Variants in NR3C1 observed in about 807,000 individuals in gnomAD.
NR3C1 encodes the protein glucocorticoid receptor.
NR3C1 carries 14 observed loss-of-function variants against 74.0 expected under a neutral mutation model. The observed-to-expected ratio is 0.19, with a 90% CI of 0.12 to 0.30. NR3C1 has a LOEUF of 0.30. Among genes scored for constraint, NR3C1 ranks in the 10% least tolerant of loss-of-function variants. The pLI, the probability that NR3C1 is intolerant of heterozygous loss-of-function variation, is 1.00. For synonymous variants in NR3C1, 308 were observed against 332.5 expected (o/e 0.93, Z 0.80); for missense variants, 695 against 909.8 (o/e 0.76, Z 3.04).
chr5:143,420,534 G>A (rs1751171351), intron 1 of NR3C1, among the ~76,000 whole-genome samples: 1 of 152,112 alleles, frequency 6.6e-6, no homozygotes, highest in Non-Finnish European at 1.5e-5. Flanking sequence ...TAATTATAAT[G>A]GTTTTCCCTA....
At chr5:143,427,725 C>G (rs957286846) in intron 1 of NR3C1, among the ~76,000 whole-genome samples, 6 of 152,226 alleles carry the variant, frequency 3.9e-5, no homozygotes, top group African/African-American at 1.4e-4. Context: ...GAACATGTCT[C>G]CTATGAGACA....
At chr5:143,402,336 C>T (rs1427203246) in intron 1 of NR3C1, among the ~76,000 whole-genome samples, 1 of 152,220 alleles carries the variant, frequency 6.6e-6, no homozygotes, top group Non-Finnish European at 1.5e-5. Flanking sequence ...AACCCAGCCA[C>T]ATTAATTGGC....
At chr5:143,295,180 C>G (rs1023589120) in intron 7 of NR3C1, 27 of 985,092 alleles carry the variant, frequency 2.7e-5, no homozygotes, top group African/African-American at 3.5e-5. Flanking sequence ...GATCAAAGAT[C>G]AAAGGAAGGA....
chr5:143,329,435 C>T (rs1285115120), intron 2 of NR3C1, among the ~76,000 whole-genome samples: 1 of 152,124 alleles, frequency 6.6e-6, no homozygotes, highest in East Asian at 1.9e-4. Context: ...TATCTCTAAT[C>T]CCATTTGACA....
chr5:143,345,743 T>G (rs1829166299), intron 2 of NR3C1, among the ~76,000 whole-genome samples: 1 of 152,186 alleles, frequency 6.6e-6, no homozygotes, highest in East Asian at 1.9e-4. Flanking sequence ...ATTGGGTAAA[T>G]AATTATTTTT....
rs151097015 is a variant in NR3C1, at chr5:143,294,349, T to C, written c.2023+1111A>G. On this transcript the variant is annotated intron_variant, in intron 7 of 8. Transcript: ENST00000394464. ...TTAATAAACATTGATATGTAATTTT[T>C]ACTTGAAATGGCCTAAGGTTTATAA... is the stretch of plus-strand genomic sequence containing the variant. 90 of 909,736 alleles carry C rather than the reference T, an allele frequency of 9.9e-5. No homozygotes were observed. The African/African-American group carries it at 1.5e-3, about 16-fold the overall frequency. 56.4% of individuals were successfully genotyped at this position (909,736 alleles called of 1,614,324 possible).
chr5:143,417,739 T>G (rs1246396799), intron 1 of NR3C1, among the ~76,000 whole-genome samples: 1 of 152,150 alleles, frequency 6.6e-6, no homozygotes, highest in Non-Finnish European at 1.5e-5. Context: ...CCTTTTCTCC[T>G]TACATCATGG....
At chr5:143,417,809 G>C (rs959417989) in intron 1 of NR3C1, among the ~76,000 whole-genome samples, 2 of 152,136 alleles carry the variant, frequency 1.3e-5, no homozygotes, top group Non-Finnish European at 2.9e-5. Flanking sequence ...TCCAGGCACT[G>C]GCTGGAAATT....
At chr5:143,320,053 C>T (rs1823015469) in intron 2 of NR3C1, among the ~76,000 whole-genome samples, 1 of 152,208 alleles carries the variant, frequency 6.6e-6, no homozygotes, top group Non-Finnish European at 1.5e-5. Flanking sequence ...GTCACCTGCA[C>T]TTTTCTTATC....
chr5:143,399,996 C>T lies in NR3C1; in HGVS notation c.844G>A (p.Asp282Asn). 2 of 1,614,172 alleles carry T rather than the reference C, an allele frequency of 1.2e-6. No homozygotes were observed. Residue 282 changes from aspartate (D) to asparagine (N), a missense_variant, in exon 2 of 9, where the codon GAT becomes AAT. Physicochemically the swap from Asp to Asn is conservative, Grantham distance 23. Around this residue, in one of 4 missense-constraint regions of NR3C1, gnomAD observed 497 missense variants for 489.5 expected, o/e 1.02. Coordinates refer to ENST00000394464, the MANE Select transcript of NR3C1 (RefSeq NM_000176.3). ...TLPQVKTEKE[D>N]FIELCTPGVI... The stretch of plus-strand genomic sequence containing the variant: ...CCAGGGGTGCAGAGTTCGATGAAAT[C>T]TTCTTTTTCTGTTTTCACTTGGGGC...
At chr5:143,284,603 A>G (rs948909889) in intron 7 of NR3C1, among the ~76,000 whole-genome samples, 4 of 152,166 alleles carry the variant, frequency 2.6e-5, no homozygotes, top group South Asian at 2.1e-4. Flanking sequence ...GTGAAGCCCA[A>G]TTCAATATGC....
chr5:143,341,192 C>A (rs1828152450), intron 2 of NR3C1, among the ~76,000 whole-genome samples: 1 of 152,062 alleles, frequency 6.6e-6, no homozygotes, highest in South Asian at 2.1e-4. Flanking sequence ...AAAGAATGAA[C>A]AATAGGATAA....
upstream of NR3C1, chr5:143,407,293 G>A (rs557572459): frequency 2.6e-4 from 40 of 152,302 alleles, no homozygotes; most frequent in Admixed American, 2.6e-3. Flanking sequence ...CTGGGTTATT[G>A]TTGTGGCCAA....
chr5:143,290,572 C>T (rs1462915380), intron 7 of NR3C1, among the ~76,000 whole-genome samples: 1 of 152,100 alleles, frequency 6.6e-6, no homozygotes, highest in East Asian at 1.9e-4. Flanking sequence ...TCCATCTCTA[C>T]ATTTATTTTA....
chr5:143,403,169 G>C (rs1052561381), intron 1 of NR3C1, 42 bp downstream of exon 1: 1 of 984,590 alleles, frequency 1.0e-6, no homozygotes, highest in Admixed American at 6.2e-5. Context: ...GGCACCTCGG[G>C]GGAGCGAGCG....
At chr5:143,403,816 C>T (rs1030558118), upstream of NR3C1, 10 of 969,388 alleles carry the variant, frequency 1.0e-5, no homozygotes, top group African/African-American at 1.8e-5. Flanking sequence ...TGCAGGGGCG[C>T]CCGCGGTCCC....
At chr5:143,321,288 A>G (rs1823312918) in intron 2 of NR3C1, among the ~76,000 whole-genome samples, 1 of 152,208 alleles carries the variant, frequency 6.6e-6, no homozygotes. Context: ...CGATTCTTAA[A>G]GAGAGATTTG....
upstream of NR3C1, chr5:143,403,726 C>A (rs892506448): frequency 1.0e-6 from 1 of 985,056 alleles, no homozygotes; most frequent in Non-Finnish European, 1.2e-6. Context: ...CGCTCCCACT[C>A]CACCCCCGGC....
Position 143,291,568 on chromosome 5 carries a change from A to G in NR3C1, c.2023+3892T>C, listed in dbSNP as rs1815962683. Among the ~76,000 whole-genome samples, 12 of 150,056 alleles carry G rather than the reference A, an allele frequency of 8.0e-5. No individual in the cohort carries two copies. In the South Asian group the frequency reaches 2.6e-3, roughly 32 times the overall value. On this transcript the variant is annotated intron_variant, in intron 7 of 8. Coordinates refer to ENST00000394464, the MANE Select transcript of NR3C1 (RefSeq NM_000176.3). ...TTTTTTAGTGAGCATCTGGTGGCAAACTTTATTTTCACCTCCTAGTTAAAA... is the reference window on the plus strand; with the variant it reads ...TTTTTTAGTGAGCATCTGGTGGCAAGCTTTATTTTCACCTCCTAGTTAAAA...
Sources: allele counts gnomAD v4.1 joint callset (sites outside exome capture counted in the v4.1 genomes callset), GRCh38; gene constraint gnomAD v4.1.1; regional missense constraint gnomAD v4.1.1; transcripts MANE v1.5; gene names NCBI Gene and HGNC (gene_info 2026-07-23, HGNC 2026-07-21).